The following IKBKB variants were observed in gnomAD, a reference collection of about 807,000 sequenced individuals.
IKBKB encodes the protein inhibitor of nuclear factor kappa B kinase subunit beta.
A neutral mutation model predicts 113.6 loss-of-function variants in IKBKB; 42 were observed. That is an observed-to-expected ratio of 0.37 (90% CI 0.29 to 0.48). The LOEUF (loss-of-function observed/expected upper bound fraction) is 0.48. Among genes scored for constraint, IKBKB ranks in the 20% least tolerant of loss-of-function variants. The pLI, the probability that IKBKB is intolerant of heterozygous loss-of-function variation, is 0.99. For synonymous variants in IKBKB, 296 were observed against 361.3 expected, an observed-to-expected ratio of 0.82 and a Z score of 2.05; for missense variants, 673 against 939.7, an observed-to-expected ratio of 0.72 and a Z score of 3.71.
chr8:42,319,472 T>C (rs1190545656), intron 14 of IKBKB, 51 bp downstream of exon 14: 1 of 1,609,802 alleles, frequency 6.2e-7, no homozygotes, highest in South Asian at 1.1e-5. Flanking sequence ...TTTTTCTTTT[T>C]CTCTTTCTAA....
intron 3 of IKBKB, among the ~76,000 whole-genome samples, chr8:42,289,099 C>T (rs1812031628): frequency 6.6e-6 from 1 of 152,200 alleles, no homozygotes; most frequent in Non-Finnish European, 1.5e-5. Context: ...GCTGTAGTCT[C>T]AGCCGCTCGG....
chr8:42,293,597 A>G (rs2130359722), intron 5 of IKBKB, 85 bp downstream of exon 5: 2 of 1,609,352 alleles, frequency 1.2e-6, no homozygotes, highest in East Asian at 2.2e-5. Context: ...CTGCAGGCAG[A>G]CACTTCAATC....
At chr8:42,310,770 T>A (rs1046906349) in intron 8 of IKBKB, among the ~76,000 whole-genome samples, 3 of 152,244 alleles carry the variant, frequency 2.0e-5, no homozygotes, top group Non-Finnish European at 4.4e-5. Context: ...TTCAGCGTTA[T>A]ATTTTTGTAC....
chr8:42,303,586 C>T (rs531112340), intron 5 of IKBKB, among the ~76,000 whole-genome samples: 1 of 152,114 alleles, frequency 6.6e-6, no homozygotes, highest in East Asian at 1.9e-4. Context: ...CTCACTGCAA[C>T]CTCTGCCTCC....
chr8:42,291,131 C>CT (rs1049437785), intron 4 of IKBKB, among the ~76,000 whole-genome samples: 13 of 152,240 alleles, frequency 8.5e-5, no homozygotes, highest in Non-Finnish European at 1.8e-4. Flanking sequence ...CTCTCCATCT[C>CT]TGAGGCTGAA....
Position 42,319,616 on chromosome 8 carries a change from A to G in IKBKB, c.1548A>G (p.Glu516=). Residue 516 remains glutamate (E), a synonymous_variant, in exon 15 of 22, where the codon GAA becomes GAG. Coordinates refer to ENST00000520810, the MANE Select transcript of IKBKB (RefSeq NM_001556.3). ...ATAAACTGCTGCTGGCCTGGAGGGAAATGGAGCAGGCTGTGGAGCTCTGTG... is the reference window on the plus strand; with the variant it reads ...ATAAACTGCTGCTGGCCTGGAGGGAGATGGAGCAGGCTGTGGAGCTCTGTG... The part of the protein sequence containing the change: ...TSDKLLLAWR[E]MEQAVELCGR... 2 of 1,596,076 alleles carry G rather than the reference A, an allele frequency of 1.3e-6. No homozygotes were observed. Among genetic ancestry groups the G allele is most frequent in the Non-Finnish European group, 1.7e-6 (2 of 1,174,316 alleles).
At position 42,280,442 on chromosome 8, in the gene IKBKB, AACC is replaced by A. The variant is rs555795510; in HGVS notation, c.106-8191_106-8189del. ...ATACAAAGGAAGAGGAGGAGGAGAT[AACC>A]GAGTGCTCCCACCTGGCAGCATGTT... is the stretch of plus-strand genomic sequence containing the variant. On this transcript the variant is annotated intron_variant, in intron 2 of 21. Coordinates refer to ENST00000520810, the MANE Select transcript of IKBKB (RefSeq NM_001556.3). 5.1e-3 allele frequency among the ~76,000 whole-genome samples: 782 copies of A among 152,300 alleles called. 3 individuals carry two copies. The highest frequency in any genetic ancestry group is 0.011 in the Admixed American group (164 of 15,296).
intron 12 of IKBKB, 92 bp downstream of exon 12, chr8:42,317,863 C>T: frequency 1.1e-6 from 1 of 904,122 alleles, no homozygotes; most frequent in Non-Finnish European, 1.8e-6. Flanking sequence ...GAAGGGGGAG[C>T]CACGTAAAGG....
At chr8:42,298,581 C>A in intron 5 of IKBKB, 1 of 709,394 alleles carries the variant, frequency 1.4e-6, no homozygotes, top group Non-Finnish European at 1.7e-6. Flanking sequence ...ATCATTTGCA[C>A]ATAAAGCTTT....
intron 4 of IKBKB, among the ~76,000 whole-genome samples, chr8:42,292,419 G>T (rs578176033): frequency 6.6e-6 from 1 of 152,358 alleles, no homozygotes; most frequent in African/African-American, 2.4e-5. Flanking sequence ...CATCCTAAGG[G>T]ACCCCTGTCC....
intron 19 of IKBKB, among the ~76,000 whole-genome samples, chr8:42,324,465 A>G (rs1014427893): frequency 1.3e-5 from 2 of 152,032 alleles, no homozygotes; most frequent in Admixed American, 1.3e-4. Flanking sequence ...GGGTTTCACC[A>G]TGTTGGCCAG....
chr8:42,304,254 T>C (rs993565214), intron 5 of IKBKB, among the ~76,000 whole-genome samples: 1 of 152,232 alleles, frequency 6.6e-6, no homozygotes, highest in Non-Finnish European at 1.5e-5. Context: ...CATCTCCAAA[T>C]AAAAATAATT....
Position 42,305,252 on chromosome 8 carries a change from G to A in IKBKB, c.454G>A (p.Val152Ile). 1 of 1,613,174 alleles carries A rather than the reference G, an allele frequency of 6.2e-7. No homozygotes were observed. Among genetic ancestry groups the A allele is most frequent in the African/African-American group, 1.3e-5 (1 of 74,982 alleles). Residue 152 changes from valine (V) to isoleucine (I), a missense_variant, in exon 6 of 22, where the codon GTC becomes ATC. Val to Ile is a conservative substitution (Grantham distance 29). Transcript: ENST00000520810. Reference protein sequence around the residue: ...IHRDLKPENIVLQQGEQRLIH... With the variant: ...IHRDLKPENIILQQGEQRLIH... ...TCGGGATCTAAAGCCAGAAAACATC[G>A]TCCTGCAGCAAGGAGAACAGAGGGT...
intron 15 of IKBKB, chr8:42,320,422 C>G: frequency 3.6e-6 from 1 of 279,300 alleles, no homozygotes; most frequent in Non-Finnish European, 6.8e-6. Context: ...CTTCTGTATG[C>G]CAGGCACCAT....
Position 42,331,593 on chromosome 8 carries a change from T to C in IKBKB, c.*614T>C. ...TCTTTTTATTTCACTGCTGCTAAAA[T>C]TGTGTTTTTACCTACTACTTTGGTG... On this transcript the variant is annotated 3_prime_UTR_variant, in exon 22 of 22. Transcript: ENST00000520810. 1 of 595,806 alleles carries C rather than the reference T, an allele frequency of 1.7e-6. No individual in the cohort carries two copies. The highest frequency in any genetic ancestry group is 2.0e-5 in the South Asian group (1 of 49,926). 36.9% of individuals were successfully genotyped at this position (595,806 alleles called of 1,614,324 possible). A position where few individuals can be genotyped will look rare whatever the true frequency, so the allele number is the denominator to read the frequency against.
At chr8:42,281,131 C>T (rs1305689616) in intron 2 of IKBKB, among the ~76,000 whole-genome samples, 1 of 152,104 alleles carries the variant, frequency 6.6e-6, no homozygotes, top group Non-Finnish European at 1.5e-5. Context: ...AGCTGGGTTC[C>T]CTGTCCGCAT....
chr8:42,326,300 T>A, intron 20 of IKBKB: 1 of 602,976 alleles, frequency 1.7e-6, no homozygotes, highest in Non-Finnish European at 2.9e-6. Context: ...CTAGTTTCTT[T>A]GTCCAAGGCT....
chr8:42,271,880 G>A (rs1169856503), intron 1 of IKBKB: 26 of 591,030 alleles, frequency 4.4e-5, no homozygotes, highest in Non-Finnish European at 6.7e-5. Context: ...CACAGCAACC[G>A]GATGGGGGAG....
chr8:42,330,201 T>G, intron 21 of IKBKB: 1 of 985,370 alleles, frequency 1.0e-6, no homozygotes, highest in Middle Eastern at 5.2e-4. Context: ...GACGTCGACT[T>G]TCTAATTCCC....
Sources: allele counts gnomAD v4.1 joint callset (sites outside exome capture counted in the v4.1 genomes callset), GRCh38; gene constraint gnomAD v4.1.1; transcripts MANE v1.5; gene names NCBI Gene and HGNC (gene_info 2026-07-23, HGNC 2026-07-21).